ZNF804B: variants seen among roughly 807,000 people sequenced by gnomAD.
The protein encoded by ZNF804B is zinc finger 804B.
ZNF804B carries 80 observed loss-of-function variants against 101.4 expected under a neutral mutation model. The observed-to-expected ratio is 0.79, with a 90% CI of 0.66 to 0.95. The LOEUF is 0.95. Ranked by LOEUF, ZNF804B falls within the 40% of genes least tolerant of loss-of-function variation. The pLI is 0.00. For missense variants in ZNF804B, 1,673 were observed against 1,561.9 expected, an observed-to-expected ratio of 1.07 and a Z score of -1.20; for synonymous variants, 622 against 558.8, an observed-to-expected ratio of 1.11 and a Z score of -1.59.
chr7:88,870,384 CA>C (rs1212123301), intron 1 of ZNF804B, among the ~76,000 whole-genome samples: 6,104 of 36,106 alleles, frequency 0.17, 213 homozygotes, highest in East Asian at 0.31. Context: ...AACTCCGTCT[CA>C]AAAAAAAAAA....
intron 2 of ZNF804B, among the ~76,000 whole-genome samples, chr7:89,277,171 G>A (rs999829471): frequency 2.0e-5 from 3 of 148,672 alleles, no homozygotes; most frequent in African/African-American, 7.4e-5. Flanking sequence ...GTTATATATA[G>A]ATACAAAATT....
chr7:89,330,402 G>T (rs539801088), intron 3 of ZNF804B, among the ~76,000 whole-genome samples: 15 of 151,628 alleles, frequency 9.9e-5, no homozygotes, highest in African/African-American at 3.6e-4. Context: ...TGGTAACTAC[G>T]TGTATGATAG....
At chr7:89,022,243 A>G (rs963751185) in intron 1 of ZNF804B, among the ~76,000 whole-genome samples, 9 of 152,016 alleles carry the variant, frequency 5.9e-5, no homozygotes, top group Non-Finnish European at 5.9e-5. Flanking sequence ...GTTAAATTCT[A>G]TCTGTTTATT....
intron 2 of ZNF804B, among the ~76,000 whole-genome samples, chr7:89,267,026 C>T (rs1789806547): frequency 6.6e-6 from 1 of 152,032 alleles, no homozygotes; most frequent in South Asian, 2.1e-4. Flanking sequence ...AAAGGACTTC[C>T]CTGAGAATTG....
At position 88,783,100 on chromosome 7, in the gene ZNF804B, A is replaced by G. The variant is rs148303915; in HGVS notation, c.108+23016A>G. 2.0e-3 allele frequency among the ~76,000 whole-genome samples: 308 copies of G among 152,294 alleles called. 1 individual carries two copies. Among genetic ancestry groups the G allele is most frequent in the African/African-American group, 7.2e-3 (300 of 41,572 alleles). ...AGGTAATATTGAGTACCTTCATAAA[A>G]ATCATCCTGGTTAAAAATAATTCAA... On this transcript the variant is annotated intron_variant, in intron 1 of 3. Transcript: ENST00000333190.
At chr7:89,061,563 C>A (rs764454617) in intron 1 of ZNF804B, among the ~76,000 whole-genome samples, 8 of 152,100 alleles carry the variant, frequency 5.3e-5, no homozygotes, top group Non-Finnish European at 8.8e-5. Flanking sequence ...TTCCTAGAGG[C>A]AGCACTATTG....
intron 2 of ZNF804B, among the ~76,000 whole-genome samples, chr7:89,226,083 A>G (rs1167994158): frequency 7.9e-5 from 12 of 152,140 alleles, no homozygotes; most frequent in Admixed American, 7.9e-4. Context: ...AAATTTGAAG[A>G]GATTTTAAAA....
In ZNF804B at chr7:89,123,060, G is replaced by A. The variant is rs17166891; in HGVS notation, c.109-95095G>A. Among the ~76,000 whole-genome samples the A allele has an allele frequency of 3.0e-3, 459 of 151,910 alleles. 2 individuals are homozygous for A. Among genetic ancestry groups the A allele is most frequent in the African/African-American group, 0.011 (436 of 41,440 alleles). ...CCGTGGTGTCTATAAAACTTGTCAC[G>A]GTATACTTGAAAGGTGGATTTGTTT... On this transcript the variant is annotated intron_variant, in intron 1 of 3. Coordinates refer to ENST00000333190, the MANE Select transcript of ZNF804B (RefSeq NM_181646.5).
chr7:88,772,627 T>C (rs1790085826), intron 1 of ZNF804B, among the ~76,000 whole-genome samples: 1 of 152,186 alleles, frequency 6.6e-6, no homozygotes, highest in African/African-American at 2.4e-5. Context: ...TTTGGGTACA[T>C]GAAGTTCTAA....
intron 1 of ZNF804B, among the ~76,000 whole-genome samples, chr7:89,096,353 A>G (rs1385785885): frequency 2.6e-5 from 4 of 152,080 alleles, no homozygotes; most frequent in African/African-American, 9.7e-5. Context: ...TTTAATAGGT[A>G]GAGAATAATC....
intron 1 of ZNF804B, among the ~76,000 whole-genome samples, chr7:88,961,760 G>A (rs928945450): frequency 1.3e-5 from 2 of 151,234 alleles, no homozygotes; most frequent in South Asian, 2.1e-4. Flanking sequence ...AAAGCAAAAA[G>A]TAAAGAAAAA....
At chr7:89,069,664 G>A (rs1046815512) in intron 1 of ZNF804B, among the ~76,000 whole-genome samples, 1 of 151,938 alleles carries the variant, frequency 6.6e-6, no homozygotes, top group East Asian at 1.9e-4. Context: ...ATTATGTTTG[G>A]AACTGTATAC....
At chr7:89,010,309 G>C (rs947511708) in intron 1 of ZNF804B, among the ~76,000 whole-genome samples, 4 of 152,118 alleles carry the variant, frequency 2.6e-5, no homozygotes, top group Non-Finnish European at 2.9e-5. Flanking sequence ...ACCAGGAATT[G>C]TTTCTAGGAT....
At chr7:89,054,581 A>C (rs1789261887) in intron 1 of ZNF804B, among the ~76,000 whole-genome samples, 1 of 152,032 alleles carries the variant, frequency 6.6e-6, no homozygotes, top group African/African-American at 2.4e-5. Context: ...GTAGTAAAGG[A>C]TGGTTAAGCA....
At chr7:88,977,388 G>A (rs1287942564) in intron 1 of ZNF804B, among the ~76,000 whole-genome samples, 1 of 150,782 alleles carries the variant, frequency 6.6e-6, no homozygotes, top group Non-Finnish European at 1.5e-5. Context: ...GTTTTTCTTT[G>A]ATGGTAGACT....
At chr7:89,262,818 T>A (rs1286999513) in intron 2 of ZNF804B, among the ~76,000 whole-genome samples, 3 of 152,340 alleles carry the variant, frequency 2.0e-5, no homozygotes, top group Non-Finnish European at 4.4e-5. Flanking sequence ...GTACAATTGC[T>A]TAGTCTTATA....
chr7:88,811,081 C>T (rs1408815779), intron 1 of ZNF804B, among the ~76,000 whole-genome samples: 4 of 151,722 alleles, frequency 2.6e-5, no homozygotes, highest in African/African-American at 9.7e-5. Context: ...AAAAAACAGA[C>T]TAAATAGATA....
rs113716956 is a variant in ZNF804B, at chr7:89,325,808, T to C, written c.250-1536T>C. ...ACAGAGTATTAAAAAAACCCTCTCC[T>C]TTTTTTCCAAAATAGCAATTTTCTC... On this transcript the variant is annotated intron_variant, in intron 2 of 3. Coordinates refer to ENST00000333190, the MANE Select transcript of ZNF804B (RefSeq NM_181646.5). 4.5e-3 allele frequency among the ~76,000 whole-genome samples: 678 copies of C among 152,002 alleles called. 4 individuals are homozygous for C. Among genetic ancestry groups the C allele is most frequent in the African/African-American group, 0.015 (640 of 41,504 alleles).
intron 2 of ZNF804B, among the ~76,000 whole-genome samples, chr7:89,259,971 C>T (rs565324958): frequency 1.6e-4 from 24 of 148,894 alleles, no homozygotes; most frequent in East Asian, 5.9e-4. Flanking sequence ...GGCGACAAAG[C>T]GAAACTCCGT....
Sources: gnomAD v4.1 joint callset for allele counts (sites outside exome capture counted in the v4.1 genomes callset) on GRCh38, gnomAD v4.1.1 for gene constraint, MANE v1.5 for transcripts, NCBI Gene and HGNC (gene_info 2026-07-23, HGNC 2026-07-21) for gene names.